ANGPTL4: variants seen among roughly 807,000 people sequenced by gnomAD.
The protein encoded by ANGPTL4 is angiopoietin like 4.
In ANGPTL4, 39 loss-of-function variants were observed where a neutral mutation model predicts 39.2. The ratio of observed to expected loss-of-function variants is 1.00; its 90% CI spans 0.77 to 1.30. The LOEUF (loss-of-function observed/expected upper bound fraction) is 1.30, where lower values mean the gene tolerates loss of function less well. ANGPTL4 is among the 50% of genes most tolerant of loss of function. The pLI is 0.00. For synonymous variants in ANGPTL4, 233 were observed against 229.5 expected, an observed-to-expected ratio of 1.02 and a Z score of -0.14; for missense variants, 545 against 549.8, an observed-to-expected ratio of 0.99 and a Z score of 0.09.
chr19:8,369,382 T>A, intron 4 of ANGPTL4, 50 bp downstream of exon 4: 1 of 1,385,350 alleles, frequency 7.2e-7, no homozygotes, highest in South Asian at 1.2e-5. Flanking sequence ...GGCCCTGTTG[T>A]CTTTCTTTAA....
intron 1 of ANGPTL4, among the ~76,000 whole-genome samples, chr19:8,365,123 C>CGT (rs1970975298): frequency 6.9e-6 from 1 of 145,904 alleles, no homozygotes; most frequent in Non-Finnish European, 1.5e-5. Flanking sequence ...GAGCCGAGAT[C>CGT]GCAGCACTGC....
At chr19:8,368,760 C>T (rs886831076) in intron 3 of ANGPTL4, among the ~76,000 whole-genome samples, 3 of 152,146 alleles carry the variant, frequency 2.0e-5, no homozygotes, top group East Asian at 3.9e-4. Context: ...CCGGAGGCTG[C>T]GGCAGAATTG....
In ANGPTL4 at chr19:8,364,444, G is replaced by C. The variant is rs186754194; in HGVS notation, c.123G>C (p.Met41Ile). 1,848 of 1,556,512 alleles carry C rather than the reference G, an allele frequency of 1.2e-3. 39 individuals are homozygous for C. In the Admixed American group the frequency reaches 0.032, roughly 27 times the overall value. ...KSPRFASWDE[M>I]NVLAHGLLQL... is the part of the protein sequence containing the mutation. ...CGCGCTTTGCGTCCTGGGACGAGAT[G>C]AATGTCCTGGCGCACGGACTCCTGC... The change falls in exon 1 of 7, where the codon ATG becomes ATC. Residue 41 changes from methionine (M) to isoleucine (I), a missense_variant. Transcript: ENST00000301455.
chr19:8,368,577 C>T (rs555358335), intron 3 of ANGPTL4, among the ~76,000 whole-genome samples: 8 of 152,008 alleles, frequency 5.3e-5, no homozygotes, highest in African/African-American at 4.8e-5. Flanking sequence ...AAGAGAGTCC[C>T]GCCGGGCGCA....
At position 8,369,216 on chromosome 19, in the gene ANGPTL4, C is replaced by T. The variant is rs34600793; in HGVS notation, c.548-3C>T. The T allele has an allele frequency of 2.1e-3, 3,392 of 1,608,750 alleles. 81 individuals carry two copies. The African/African-American group carries it at 0.043, about 20-fold the overall frequency. On this transcript the variant is annotated splice_region_variant and splice_polypyrimidine_tract_variant and intron_variant, in intron 3 of 6. Transcript: ENST00000301455. Reference sequence around the variant, plus strand: ...TTCAAGTCTCCACTTTATCTCCCTTCAGGGCTGCCCAGGGATTGCCAGGAG... The same window carrying T: ...TTCAAGTCTCCACTTTATCTCCCTTTAGGGCTGCCCAGGGATTGCCAGGAG...
chr19:8,373,917 G>T lies in ANGPTL4; in HGVS notation c.*31G>T. The T allele has an allele frequency of 6.2e-7, 1 of 1,606,498 alleles. No individual in the cohort carries two copies. Among genetic ancestry groups the T allele is most frequent in the Non-Finnish European group, 8.5e-7 (1 of 1,175,530 alleles). ...TGGCTGGGCCTGGTCCCAGGCCCAC[G>T]AAAGACGGTGACTCTTGGCTCTGCC... On this transcript the variant is annotated 3_prime_UTR_variant, in exon 7 of 7. Coordinates refer to ENST00000301455, the MANE Select transcript of ANGPTL4 (RefSeq NM_139314.3).
rs199657129 is a variant in ANGPTL4 at position 8,369,913 on chromosome 19, TA to T, written c.661+590del. Among the ~76,000 whole-genome samples, 9 of 149,584 alleles carry T rather than the reference TA, an allele frequency of 6.0e-5. No individual in the cohort carries two copies. The South Asian group carries it at 1.3e-3, about 21-fold the overall frequency. ...ATCTTTACAAAAAATTTTGTAAAAGTAAAAAAAAAGGCCAAGTGCAGTGGCT... is the reference window on the plus strand; with the variant it reads ...ATCTTTACAAAAAATTTTGTAAAAGTAAAAAAAAGGCCAAGTGCAGTGGCT... On this transcript the variant is annotated intron_variant, in intron 4 of 6. Coordinates refer to ENST00000301455, the MANE Select transcript of ANGPTL4 (RefSeq NM_139314.3).
At chr19:8,366,482 TCCTC>T (rs1971009237) in intron 3 of ANGPTL4, among the ~76,000 whole-genome samples, 163 bp downstream of exon 3, 1 of 151,910 alleles carries the variant, frequency 6.6e-6, no homozygotes, top group Non-Finnish European at 1.5e-5. Flanking sequence ...AGCACCTCCT[TCCTC>T]AGCCCTGACC....
intron 3 of ANGPTL4, 140 bp downstream of exon 3, chr19:8,366,459 C>A: frequency 3.1e-6 from 3 of 972,500 alleles, no homozygotes; most frequent in South Asian, 1.4e-5. Flanking sequence ...GTCTCTGGGT[C>A]AAAGCTGATG....
chr19:8,373,697 C>G lies in ANGPTL4; in HGVS notation c.1040-8C>G, dbSNP rs1212836505. The G allele has an allele frequency of 3.7e-6, 6 of 1,613,900 alleles. No individual in the cohort carries two copies. The highest frequency in any genetic ancestry group is 5.1e-6 in the Non-Finnish European group (6 of 1,180,018). On this transcript the variant is annotated splice_region_variant and splice_polypyrimidine_tract_variant and intron_variant, in intron 6 of 6. Transcript: ENST00000301455. The stretch of plus-strand genomic sequence containing the variant: ...CTGACCATGTTCCCTCTCCCCTGAC[C>G]CCGGCAGGAGGCTGGTGGTTTGGCA...
Position 8,371,332 on chromosome 19 carries a change from C to A in ANGPTL4, c.849C>A (p.Asn283Lys). Residue 283 changes from asparagine (N) to lysine (K), a missense_variant, in exon 6 of 7, where the codon AAC becomes AAA. Asn to Lys is a moderately conservative substitution (Grantham distance 94, BLOSUM62 0). Coordinates refer to ENST00000301455, the MANE Select transcript of ANGPTL4 (RefSeq NM_139314.3). This position sits in a 1 kb window ranked among gnomAD's most constrained non-coding sequence, Gnocchi z 5.1. ...LAVQLRDWDG[N>K]AELLQFSVHL... The stretch of plus-strand genomic sequence containing the variant: ...TGCAGCTGCGGGACTGGGATGGCAA[C>A]GCCGAGTTGCTGCAGTTCTCCGTGC... 6.2e-7 allele frequency: 1 copy of A among 1,613,838 alleles called. No individual in the cohort carries two copies. The highest frequency in any genetic ancestry group is 8.5e-7 in the Non-Finnish European group (1 of 1,180,034).
Position 8,364,515 on chromosome 19 carries a change from A to C in ANGPTL4, c.194A>C (p.Gln65Pro). The C allele has an allele frequency of 1.3e-6, 2 of 1,566,058 alleles. No homozygotes were observed. Among genetic ancestry groups the C allele is most frequent in the Non-Finnish European group, 1.7e-6 (2 of 1,156,540 alleles). Residue 65 changes from glutamine to proline, a missense_variant, in exon 1 of 7, where the codon CAG becomes CCG. Transcript: ENST00000301455. ...LREHAERTRS[Q>P]LSALERRLSA... ...GAACACGCGGAGCGCACCCGCAGTC[A>C]GCTGAGCGCGCTGGAGCGGCGCCTG... is the stretch of plus-strand genomic sequence containing the variant.
chr19:8,369,659 G>T (rs1480766836), intron 4 of ANGPTL4, among the ~76,000 whole-genome samples: 3 of 151,738 alleles, frequency 2.0e-5, no homozygotes, highest in Non-Finnish European at 4.4e-5. Flanking sequence ...TCACCATGTT[G>T]GTCTGGCTGG....
intron 1 of ANGPTL4, 117 bp from the exon 2 acceptor site, chr19:8,365,833 AAAAG>A (rs1423927218): frequency 6.3e-6 from 5 of 799,310 alleles, no homozygotes; most frequent in African/African-American, 3.4e-5. Context: ...AAAAAAAGAA[AAAAG>A]AAAGACTCCC....
At chr19:8,368,575 C>T (rs1360630467) in intron 3 of ANGPTL4, among the ~76,000 whole-genome samples, 1 of 152,062 alleles carries the variant, frequency 6.6e-6, no homozygotes, top group Non-Finnish European at 1.5e-5. Context: ...GAAAGAGAGT[C>T]CCGCCGGGCG....
rs775667046 is a variant in ANGPTL4, at chr19:8,371,360, C to A, written c.877C>A (p.Leu293Met). The change falls in exon 6 of 7, where the codon CTG becomes ATG. Residue 293 changes from leucine to methionine, a missense_variant. Transcript: ENST00000301455. The surrounding 1 kb of genome is among the most constrained non-coding windows in gnomAD (Gnocchi z 5.1). ...NAELLQFSVHLGGEDTAYSLQ... is the reference protein window; with the variant it reads ...NAELLQFSVHMGGEDTAYSLQ... ...CGAGTTGCTGCAGTTCTCCGTGCACCTGGGTGGCGAGGACACGGCCTATAG... is the reference window on the plus strand; with the variant it reads ...CGAGTTGCTGCAGTTCTCCGTGCACATGGGTGGCGAGGACACGGCCTATAG... The A allele has an allele frequency of 6.2e-6, 10 of 1,613,562 alleles. No individual in the cohort carries two copies. The African/African-American group carries it at 1.2e-4, about 19-fold the overall frequency.
rs1192364228 is a variant in ANGPTL4, at chr19:8,369,257, G to A, written c.586G>A (p.Glu196Lys). Reference protein sequence around the residue: ...RDCQELFQVGERQSGLFEIQP... With the variant: ...RDCQELFQVGKRQSGLFEIQP... ...TTGCCAGGAGCTGTTCCAGGTTGGG[G>A]AGAGGCAGAGTGGACTATTTGAAAT... The change falls in exon 4 of 7, where the codon GAG (glutamate) becomes AAG (lysine). Residue 196 changes from glutamate (E) to lysine (K), a missense_variant. Physicochemically the swap from Glu to Lys is moderately conservative, Grantham distance 56. Coordinates refer to ENST00000301455, the MANE Select transcript of ANGPTL4 (RefSeq NM_139314.3). 24 of 1,612,044 alleles carry A rather than the reference G, an allele frequency of 1.5e-5. No homozygotes were observed. Among genetic ancestry groups the A allele is most frequent in the Non-Finnish European group, 1.9e-5 (22 of 1,179,860 alleles).
chr19:8,374,280 T>C lies in ANGPTL4; in HGVS notation c.*394T>C. On this transcript the variant is annotated 3_prime_UTR_variant, in exon 7 of 7. Transcript: ENST00000301455. ...GAGCGCCCTCATGGTGCTGGTGCTG[T>C]TGTGTGTAGGTCCCCTGGGGACACA... 1 of 257,090 alleles carries C rather than the reference T, an allele frequency of 3.9e-6. No homozygotes were observed. 15.9% of individuals were successfully genotyped at this position (257,090 alleles called of 1,614,324 possible). A position where few individuals can be genotyped will look rare whatever the true frequency, so the allele number is the denominator to read the frequency against.
In ANGPTL4 at chr19:8,364,313, C is replaced by A; in HGVS notation, c.-9C>A. The stretch of plus-strand genomic sequence containing the variant: ...TCCCCGAATCCCCGCTCCCAGGCTA[C>A]CTAAGAGGATGAGCGGTGCTCCGAC... On this transcript the variant is annotated 5_prime_UTR_variant, in exon 1 of 7. Transcript: ENST00000301455. The A allele has an allele frequency of 1.3e-6, 2 of 1,541,168 alleles. No homozygotes were observed. The highest frequency in any genetic ancestry group is 3.9e-5 in the Admixed American group (2 of 51,580).
Sources: allele counts gnomAD v4.1 joint callset (sites outside exome capture counted in the v4.1 genomes callset), GRCh38; gene constraint gnomAD v4.1.1; non-coding constraint Gnocchi (gnomAD v3.1); transcripts MANE v1.5; gene names NCBI Gene and HGNC (gene_info 2026-07-23, HGNC 2026-07-21).